Variants in SPIRE1 observed in about 807,000 individuals in gnomAD.
The protein encoded by SPIRE1 is spire type actin nucleation factor 1.
In SPIRE1, 40 loss-of-function variants were observed where a neutral mutation model predicts 94.1. The ratio of observed to expected loss-of-function variants is 0.43; its 90% CI spans 0.33 to 0.55. The LOEUF (loss-of-function observed/expected upper bound fraction) is 0.55. SPIRE1 is among the 20% of genes least tolerant of loss of function. The pLI, the probability that SPIRE1 is intolerant of heterozygous loss-of-function variation, is 0.06. For missense variants in SPIRE1, 838 were observed against 975.2 expected, an observed-to-expected ratio of 0.86 and a Z score of 1.87; for synonymous variants, 376 against 371.7, an observed-to-expected ratio of 1.01 and a Z score of -0.13.
chr18:12,599,084 A>C (rs2036760017), intron 2 of SPIRE1, among the ~76,000 whole-genome samples: 1 of 152,094 alleles, frequency 6.6e-6, no homozygotes, highest in Non-Finnish European at 1.5e-5. Flanking sequence ...TCTCTTCTCC[A>C]AATATCTACA....
At chr18:12,645,005 G>C (rs1362831408) in intron 1 of SPIRE1, among the ~76,000 whole-genome samples, 1 of 152,014 alleles carries the variant, frequency 6.6e-6, no homozygotes, top group African/African-American at 2.4e-5. Flanking sequence ...CAGTACTTTG[G>C]GAGGCCAAGG....
At chr18:12,532,599 G>A (rs985748317) in intron 4 of SPIRE1, among the ~76,000 whole-genome samples, 1 of 152,132 alleles carries the variant, frequency 6.6e-6, no homozygotes, top group African/African-American at 2.4e-5. Context: ...TATAAAGAAT[G>A]ATTCTTAAAA....
intron 1 of SPIRE1, among the ~76,000 whole-genome samples, chr18:12,651,526 T>C (rs1398357047): frequency 6.6e-6 from 1 of 151,868 alleles, no homozygotes; most frequent in African/African-American, 2.4e-5. Flanking sequence ...ATACAAAAAT[T>C]AGCCGAGCAT....
At chr18:12,517,027 T>C (rs1046047835) in intron 4 of SPIRE1, among the ~76,000 whole-genome samples, 2 of 152,242 alleles carry the variant, frequency 1.3e-5, no homozygotes, top group African/African-American at 4.8e-5. Flanking sequence ...GCTCAGATAC[T>C]TTCCAGCTGC....
At chr18:12,477,436 C>T (rs78858074) in intron 10 of SPIRE1, among the ~76,000 whole-genome samples, 1 of 152,140 alleles carries the variant, frequency 6.6e-6, no homozygotes, top group East Asian at 1.9e-4. Context: ...GTCTAGATAT[C>T]TGAGCTAGAT....
intron 16 of SPIRE1, chr18:12,450,788 C>CCTGG (rs2031196027): frequency 4.1e-6 from 3 of 724,342 alleles, no homozygotes; most frequent in Non-Finnish European, 7.5e-6. Context: ...ATTCATAAAC[C>CCTGG]CTGGCATCTC....
chr18:12,576,411 G>A (rs533879104), intron 2 of SPIRE1, among the ~76,000 whole-genome samples: 56 of 151,136 alleles, frequency 3.7e-4, no homozygotes, highest in Admixed American at 1.6e-3. Context: ...GCGAAATCTC[G>A]TCTCTAACTA....
chr18:12,655,732 A>C (rs1010697950), intron 1 of SPIRE1, among the ~76,000 whole-genome samples: 1 of 152,154 alleles, frequency 6.6e-6, no homozygotes, highest in Non-Finnish European at 1.5e-5. Context: ...AGAATCTATC[A>C]ATCTTTGACA....
chr18:12,479,872 C>G lies in SPIRE1; in HGVS notation c.1232-1G>C. 6.2e-7 allele frequency: 1 copy of G among 1,610,592 alleles called. No homozygotes were observed. The highest frequency in any genetic ancestry group is 8.5e-7 in the Non-Finnish European group (1 of 1,178,962). On this transcript the variant is annotated splice_acceptor_variant, in intron 9 of 16. Transcript: ENST00000409402. LOFTEE classifies it high-confidence loss of function. ...TTTGTAGATTCAGGGGTAGTCACAT[C>G]TGGTAAAAAAGCAAAAGCTTACCTT...
intron 1 of SPIRE1, among the ~76,000 whole-genome samples, chr18:12,642,574 A>C (rs1318915692): frequency 6.6e-6 from 1 of 152,226 alleles, no homozygotes; most frequent in African/African-American, 2.4e-5. Flanking sequence ...AGAGCAAATA[A>C]GTTTCATCTC....
At chr18:12,591,874 C>G (rs1334052338) in intron 2 of SPIRE1, among the ~76,000 whole-genome samples, 1 of 144,848 alleles carries the variant, frequency 6.9e-6, no homozygotes, top group Non-Finnish European at 1.5e-5. Context: ...GAGGCTGATG[C>G]AGGAGAATGG....
chr18:12,486,176 T>C (rs776354846), intron 8 of SPIRE1, among the ~76,000 whole-genome samples, 176 bp from the exon 9 acceptor site: 7 of 152,194 alleles, frequency 4.6e-5, no homozygotes, highest in Non-Finnish European at 8.8e-5. Context: ...GCAAGAGTCT[T>C]AGTTTCAGTT....
Position 12,657,840 on chromosome 18 carries a change from GCCC to G in SPIRE1, c.24_26del (p.Gly11del). On this transcript the variant is annotated inframe_deletion, in exon 1 of 17. Transcript: ENST00000409402. ...CTGCCTCAGTCCGCGGCTCCCCGCC[GCCC>G]GCCGGGCCAGCCGCCTGAGCCATCC... 1 of 1,128,036 alleles carries G rather than the reference GCCC, an allele frequency of 8.9e-7. No individual in the cohort carries two copies. The highest frequency in any genetic ancestry group is 1.1e-6 in the Non-Finnish European group (1 of 925,258). 69.9% of individuals were successfully genotyped at this position (1,128,036 alleles called of 1,614,324 possible).
chr18:12,494,794 G>A lies in SPIRE1; in HGVS notation c.1059+1222C>T, dbSNP rs1336215774. On this transcript the variant is annotated intron_variant, in intron 7 of 16. Coordinates refer to ENST00000409402, the MANE Select transcript of SPIRE1 (RefSeq NM_001128626.2). ...GTGGAGCTTGCAGTGAGCCGAGATC[G>A]CGCCACTGCACTCCAGCCTGGGCGA... 1.7e-3 allele frequency among the ~76,000 whole-genome samples: 227 copies of A among 135,366 alleles called. 1 individual carries two copies. Among genetic ancestry groups the A allele is most frequent in the African/African-American group, 6.1e-3 (217 of 35,584 alleles). The allele number at this position is 135,366 out of a possible 152,430, so 88.8% of individuals were successfully genotyped here.
chr18:12,552,303 C>T (rs1291218378), intron 2 of SPIRE1, among the ~76,000 whole-genome samples: 1 of 152,174 alleles, frequency 6.6e-6, no homozygotes, highest in African/African-American at 2.4e-5. Flanking sequence ...ACTGAGACAC[C>T]AGCCAGGATG....
intron 12 of SPIRE1, among the ~76,000 whole-genome samples, chr18:12,455,778 C>T (rs1466191470): frequency 6.6e-6 from 1 of 152,162 alleles, no homozygotes; most frequent in African/African-American, 2.4e-5. Flanking sequence ...TTCACTCCCA[C>T]ACACACACAA....
At chr18:12,478,849 A>C (rs1288756224) in intron 10 of SPIRE1, among the ~76,000 whole-genome samples, 2 of 152,052 alleles carry the variant, frequency 1.3e-5, no homozygotes, top group African/African-American at 2.4e-5. Context: ...GAAGGATATG[A>C]GATCTTCCCT....
chr18:12,585,166 T>A (rs556465138), intron 2 of SPIRE1, among the ~76,000 whole-genome samples: 1 of 152,148 alleles, frequency 6.6e-6, no homozygotes, highest in African/African-American at 2.4e-5. Flanking sequence ...ACCAAAAAAA[T>A]TGGATGAAGA....
In SPIRE1 at chr18:12,523,634, C is replaced by T. The variant is rs116617444; in HGVS notation, c.730-11103G>A. Among the ~76,000 whole-genome samples the T allele has an allele frequency of 9.8e-3, 1,487 of 152,318 alleles. 33 individuals are homozygous for T. Among genetic ancestry groups the T allele is most frequent in the African/African-American group, 0.033 (1,375 of 41,562 alleles). On this transcript the variant is annotated intron_variant, in intron 4 of 16. Transcript: ENST00000409402. ...CTTCACCAGCAAAAAGATTACAACT[C>T]ACTGATGGCTCAGAGGATCACTAGC...
Sources: gnomAD v4.1 joint callset for allele counts (sites outside exome capture counted in the v4.1 genomes callset) on GRCh38, gnomAD v4.1.1 for gene constraint, MANE v1.5 for transcripts, NCBI Gene and HGNC (gene_info 2026-07-23, HGNC 2026-07-21) for gene names.